The following SNRK variants were observed in gnomAD, a reference collection of about 807,000 sequenced individuals.
SNRK encodes SNF-related serine/threonine-protein kinase.
Under a neutral mutation model 48.2 loss-of-function variants are expected in SNRK, and 3 were observed. The ratio of observed to expected loss-of-function variants is 0.06; its 90% CI spans 0.03 to 0.16. The LOEUF is 0.16. Among genes scored for constraint, SNRK ranks in the 10% least tolerant of loss-of-function variants. The probability of loss-of-function intolerance (pLI) is 1.00; values close to 1 mark genes in which losing one functional copy is unlikely to be tolerated. For missense variants in SNRK, 627 were observed against 976.0 expected (o/e 0.64, Z 4.76); for synonymous variants, 376 against 366.1 (o/e 1.03, Z -0.31).
At chr3:43,344,203 C>G (rs542759406) in intron 6 of SNRK, among the ~76,000 whole-genome samples, 1 of 151,616 alleles carries the variant, frequency 6.6e-6, no homozygotes, top group South Asian at 2.1e-4. Flanking sequence ...CTAACCCCCT[C>G]TCTCCTCCTC....
chr3:43,316,977 C>T (rs914467919), intron 3 of SNRK, among the ~76,000 whole-genome samples: 1 of 152,070 alleles, frequency 6.6e-6, no homozygotes, highest in Non-Finnish European at 1.5e-5. Flanking sequence ...TTTCTAAGGG[C>T]TCTTAGTGCT....
intron 3 of SNRK, among the ~76,000 whole-genome samples, chr3:43,331,533 T>C (rs960285078): frequency 3.3e-5 from 5 of 152,216 alleles, no homozygotes. Context: ...CACTGCCTTT[T>C]CTGGTATTGT....
In SNRK at chr3:43,347,244, T is replaced by C; in HGVS notation, c.1080-95T>C. 7.6e-7 allele frequency: 1 copy of C among 1,312,180 alleles called. No individual in the cohort carries two copies. 81.3% of individuals were successfully genotyped at this position (1,312,180 alleles called of 1,614,324 possible). On this transcript the variant is annotated intron_variant, in intron 6 of 6. Coordinates refer to ENST00000296088, the MANE Select transcript of SNRK (RefSeq NM_017719.5). The surrounding 1 kb of genome is among the most constrained non-coding windows in gnomAD (Gnocchi z 5.4). The stretch of plus-strand genomic sequence containing the variant: ...GCTGCTGCTTTTTTCTTTAAGTCTG[T>C]AGATTTTGTCCCAGTAAGTTCATTG...
intron 3 of SNRK, among the ~76,000 whole-genome samples, chr3:43,316,647 C>T (rs73831250): frequency 0.025 from 3,798 of 151,852 alleles, 163 homozygotes; most frequent in African/African-American, 0.085. Flanking sequence ...TCCCTGCCTC[C>T]CATTTTTAAC....
At chr3:43,322,930 C>T (rs1040967236) in intron 3 of SNRK, among the ~76,000 whole-genome samples, 7 of 89,302 alleles carry the variant, frequency 7.8e-5, no homozygotes, top group Non-Finnish European at 1.3e-4. Flanking sequence ...ACAGCCTGCG[C>T]GACAGAGTAA....
intron 6 of SNRK, among the ~76,000 whole-genome samples, chr3:43,344,033 A>C (rs1047510933): frequency 6.6e-6 from 1 of 152,214 alleles, no homozygotes; most frequent in Non-Finnish European, 1.5e-5. Flanking sequence ...AAACAAAAGT[A>C]ACAATGCTAT....
chr3:43,324,371 T>G (rs1390500054), intron 3 of SNRK, among the ~76,000 whole-genome samples: 1 of 152,146 alleles, frequency 6.6e-6, no homozygotes, highest in East Asian at 1.9e-4. Flanking sequence ...TAGCCAGGCC[T>G]GGTGGCACAT....
chr3:43,339,396 A>G lies in SNRK; in HGVS notation c.732-891A>G, dbSNP rs182761933. 2.3e-4 allele frequency among the ~76,000 whole-genome samples: 35 copies of G among 152,340 alleles called. No individual in the cohort carries two copies. The East Asian group carries it at 6.4e-3, about 28-fold the overall frequency. On this transcript the variant is annotated intron_variant, in intron 4 of 6. Coordinates refer to ENST00000296088, the MANE Select transcript of SNRK (RefSeq NM_017719.5). ...CCAACATAGCTTGTAAAGCTGAAGCAGAAACAGGCCAAAGGCCAGCTTTGT... is the reference window on the plus strand; with the variant it reads ...CCAACATAGCTTGTAAAGCTGAAGCGGAAACAGGCCAAAGGCCAGCTTTGT...
chr3:43,338,027 G>T (rs913483461), intron 4 of SNRK, among the ~76,000 whole-genome samples: 1 of 152,134 alleles, frequency 6.6e-6, no homozygotes, highest in South Asian at 2.1e-4. Flanking sequence ...TGCGATGACG[G>T]GTATGAGCCA....
rs1559469918 is a variant in SNRK, at chr3:43,338,367, G to C, written c.732-1920G>C. ...TTCATTGAGTATGGAATTCTAGATT[G>C]ACAGTTATTTTCTCTCAGCTCATGG... On this transcript the variant is annotated intron_variant, in intron 4 of 6. Transcript: ENST00000296088. 2.6e-5 allele frequency among the ~76,000 whole-genome samples: 4 copies of C among 152,190 alleles called. 1 individual carries two copies. The South Asian group carries it at 8.3e-4, about 31-fold the overall frequency.
chr3:43,300,362 T>C (rs1020395671), intron 2 of SNRK, among the ~76,000 whole-genome samples: 2 of 152,228 alleles, frequency 1.3e-5, no homozygotes, highest in African/African-American at 4.8e-5. Flanking sequence ...ATAAAACTTT[T>C]ATTTTCAAAA....
chr3:43,312,293 G>T (rs2090984200), intron 3 of SNRK, among the ~76,000 whole-genome samples: 1 of 152,120 alleles, frequency 6.6e-6, no homozygotes, highest in African/African-American at 2.4e-5. Context: ...TAAACAAAAA[G>T]CCTATATACA....
At chr3:43,308,511 GAATT>G (rs2090955332) in intron 3 of SNRK, among the ~76,000 whole-genome samples, 1 of 152,136 alleles carries the variant, frequency 6.6e-6, no homozygotes, top group African/African-American at 2.4e-5. Context: ...GGGCCATTAA[GAATT>G]AAGCCAAATA....
intron 6 of SNRK, 104 bp downstream of exon 6, chr3:43,343,582 C>A: frequency 7.9e-7 from 1 of 1,270,628 alleles, no homozygotes; most frequent in Non-Finnish European, 1.1e-6. Flanking sequence ...CAAGAGAGTA[C>A]AAACAGTGAT....
rs2091315602 is a variant in SNRK, at chr3:43,350,593, AC to A, written c.*2039del. ...TATAGCCTTATTAGTTGTGTGGTTGACCCTTGGGGTATACAAATGTCAGTCT... is the reference window on the plus strand; with the variant it reads ...TATAGCCTTATTAGTTGTGTGGTTGACCTTGGGGTATACAAATGTCAGTCT... On this transcript the variant is annotated 3_prime_UTR_variant, in exon 7 of 7. Coordinates refer to ENST00000296088, the MANE Select transcript of SNRK (RefSeq NM_017719.5). 6.6e-6 allele frequency: 1 copy of A among 152,324 alleles called. No individual in the cohort carries two copies. The highest frequency in any genetic ancestry group is 2.4e-5 in the African/African-American group (1 of 41,342). The allele number at this position is 152,324 out of a possible 1,614,324, so 9.4% of individuals were successfully genotyped here. A position where few individuals can be genotyped will look rare whatever the true frequency, so the allele number is the denominator to read the frequency against.
intron 3 of SNRK, among the ~76,000 whole-genome samples, chr3:43,311,057 G>A (rs2090975495): frequency 6.6e-6 from 1 of 152,104 alleles, no homozygotes; most frequent in Admixed American, 6.5e-5. Flanking sequence ...ACAGCTAACT[G>A]GGAAGCCCTG....
At chr3:43,330,323 A>T (rs2091136792) in intron 3 of SNRK, among the ~76,000 whole-genome samples, 1 of 152,142 alleles carries the variant, frequency 6.6e-6, no homozygotes, top group African/African-American at 2.4e-5. Flanking sequence ...CCCTCCTTGG[A>T]TAATGGACAT....
intron 1 of SNRK, chr3:43,289,876 GTT>G (rs2090797029): frequency 6.6e-6 from 1 of 152,598 alleles, no homozygotes; most frequent in African/African-American, 2.4e-5. Flanking sequence ...CTACTCAAAA[GTT>G]ACTTCAGACT....
In SNRK at chr3:43,347,208, G is replaced by A; in HGVS notation, c.1080-131G>A. 1.1e-6 allele frequency: 1 copy of A among 930,350 alleles called. No homozygotes were observed. The highest frequency in any genetic ancestry group is 1.6e-6 in the Non-Finnish European group (1 of 640,594). 57.6% of individuals were successfully genotyped at this position (930,350 alleles called of 1,614,324 possible). On this transcript the variant is annotated intron_variant, in intron 6 of 6. Coordinates refer to ENST00000296088, the MANE Select transcript of SNRK (RefSeq NM_017719.5). The surrounding 1 kb of genome is among the most constrained non-coding windows in gnomAD (Gnocchi z 5.4). ...TGCTGATGTTTACAGGATGTTGAAT[G>A]GGTTTGCAAGGCTGCTGCTTTTTTC... is the stretch of plus-strand genomic sequence containing the variant.
Sources: allele counts gnomAD v4.1 joint callset (sites outside exome capture counted in the v4.1 genomes callset), GRCh38; gene constraint gnomAD v4.1.1; non-coding constraint Gnocchi (gnomAD v3.1); transcripts MANE v1.5; gene names NCBI Gene and HGNC (gene_info 2026-07-23, HGNC 2026-07-21).